Variants in ST6GALNAC5 observed in about 807,000 individuals in gnomAD.
The protein encoded by ST6GALNAC5 is ST6 N-acetylgalactosaminide alpha-2,6-sialyltransferase 5, also known as alpha-N-acetylgalactosaminide alpha-2,6-sialyltransferase 5.
Under a neutral mutation model 33.6 loss-of-function variants are expected in ST6GALNAC5, and 27 were observed. The observed-to-expected ratio is 0.80, with a 90% CI of 0.59 to 1.11. ST6GALNAC5 has a LOEUF of 1.11. Ranked by LOEUF, ST6GALNAC5 falls within the 50% of genes least tolerant of loss-of-function variation. The pLI is 0.00. For synonymous variants in ST6GALNAC5, 194 were observed against 171.2 expected, an observed-to-expected ratio of 1.13 and a Z score of -1.04; for missense variants, 428 against 454.0, an observed-to-expected ratio of 0.94 and a Z score of 0.52.
chr1:77,048,883 A>T (rs1219357607), intron 3 of ST6GALNAC5, among the ~76,000 whole-genome samples: 6 of 152,192 alleles, frequency 3.9e-5, no homozygotes, highest in African/African-American at 1.4e-4. Flanking sequence ...AGGGCCAAAG[A>T]TCAACAATAA....
intron 2 of ST6GALNAC5, among the ~76,000 whole-genome samples, chr1:76,878,770 T>C (rs2100919414): frequency 6.6e-6 from 1 of 152,296 alleles, no homozygotes; most frequent in East Asian, 1.9e-4. Context: ...ACTTCGAAGT[T>C]TTCTGCTTGT....
At chr1:77,031,626 A>C (rs1347929532) in intron 2 of ST6GALNAC5, among the ~76,000 whole-genome samples, 1 of 152,190 alleles carries the variant, frequency 6.6e-6, no homozygotes, top group Non-Finnish European at 1.5e-5. Flanking sequence ...CTCCAAATTA[A>C]ATATTTGATT....
chr1:77,016,385 T>C (rs556426573), intron 2 of ST6GALNAC5, among the ~76,000 whole-genome samples: 17 of 151,764 alleles, frequency 1.1e-4, no homozygotes, highest in Non-Finnish European at 1.6e-4. Context: ...TTATTTTTTA[T>C]TGATACATAA....
intron 2 of ST6GALNAC5, among the ~76,000 whole-genome samples, chr1:77,018,320 A>C (rs1300502914): frequency 1.3e-5 from 2 of 152,236 alleles, no homozygotes; most frequent in African/African-American, 2.4e-5. Context: ...AACAACAGTT[A>C]GAAACTCAGA....
chr1:76,876,105 G>A (rs1208259310), intron 2 of ST6GALNAC5, among the ~76,000 whole-genome samples: 7 of 152,224 alleles, frequency 4.6e-5, no homozygotes, highest in Non-Finnish European at 1.0e-4. Context: ...AGGCAAACAC[G>A]TATCTGGAGT....
At chr1:76,891,227 A>G (rs1036462965) in intron 2 of ST6GALNAC5, among the ~76,000 whole-genome samples, 7 of 152,176 alleles carry the variant, frequency 4.6e-5, no homozygotes, top group Non-Finnish European at 1.0e-4. Context: ...TAGGACACAG[A>G]GACCACGTGA....
chr1:76,898,966 G>A (rs1322863159), intron 2 of ST6GALNAC5, among the ~76,000 whole-genome samples: 1 of 152,118 alleles, frequency 6.6e-6, no homozygotes, highest in African/African-American at 2.4e-5. Context: ...GATTTGGGAT[G>A]AGTTGCATTG....
intron 2 of ST6GALNAC5, among the ~76,000 whole-genome samples, chr1:76,924,111 A>G (rs1372855084): frequency 5.3e-5 from 8 of 152,064 alleles, no homozygotes; most frequent in African/African-American, 1.9e-4. Context: ...GCATCTATGT[A>G]AGTTGAGGGG....
At chr1:76,886,068 G>C (rs563573786) in intron 2 of ST6GALNAC5, among the ~76,000 whole-genome samples, 1 of 152,098 alleles carries the variant, frequency 6.6e-6, no homozygotes, top group African/African-American at 2.4e-5. Flanking sequence ...TCTGCTCCGT[G>C]ATGCAATTTC....
chr1:77,002,469 G>A (rs1235598385), intron 2 of ST6GALNAC5, among the ~76,000 whole-genome samples: 1 of 151,930 alleles, frequency 6.6e-6, no homozygotes, highest in Non-Finnish European at 1.5e-5. Context: ...TTTTTGAACG[G>A]TTTTTTGTGT....
intron 2 of ST6GALNAC5, among the ~76,000 whole-genome samples, chr1:77,017,145 A>G (rs1430674532): frequency 8.1e-6 from 1 of 123,016 alleles, no homozygotes; most frequent in Admixed American, 8.6e-5. Flanking sequence ...GTAATCAGGA[A>G]AAGGCAAAAA....
chr1:77,002,427 C>A (rs1260290505), intron 2 of ST6GALNAC5, among the ~76,000 whole-genome samples: 2 of 151,940 alleles, frequency 1.3e-5, no homozygotes, highest in Non-Finnish European at 2.9e-5. Context: ...TTTGTTGCTC[C>A]TTTCAAAAAA....
intron 2 of ST6GALNAC5, among the ~76,000 whole-genome samples, chr1:76,969,794 T>A (rs559002770): frequency 2.0e-5 from 3 of 152,174 alleles, no homozygotes; most frequent in Admixed American, 2.0e-4. Flanking sequence ...TGACACCTCA[T>A]ACAGGCAGGT....
chr1:77,001,337 G>A (rs1650155580), intron 2 of ST6GALNAC5, among the ~76,000 whole-genome samples: 1 of 120,708 alleles, frequency 8.3e-6, no homozygotes, highest in South Asian at 3.5e-4. Context: ...TTTGTACATT[G>A]ATTTTGTATC....
chr1:77,048,942 G>A (rs374627868), intron 3 of ST6GALNAC5, among the ~76,000 whole-genome samples: 12 of 126,594 alleles, frequency 9.5e-5, no homozygotes, highest in African/African-American at 4.1e-4. Context: ...GTAAGATTCA[G>A]CCCACTTATT....
chr1:77,066,379 TC>T lies in ST6GALNAC5; in HGVS notation c.*3175del, dbSNP rs1481409408. 1.2e-4 allele frequency among the ~76,000 whole-genome samples: 18 copies of T among 152,310 alleles called. No individual in the cohort carries two copies. The highest frequency in any genetic ancestry group is 4.1e-4 in the African/African-American group (17 of 41,570). On this transcript the variant is annotated 3_prime_UTR_variant, in exon 5 of 5. Coordinates refer to ENST00000477717, the MANE Select transcript of ST6GALNAC5 (RefSeq NM_030965.3). ...GTATCCTTTGTTTTCTGAAGTTCTC[TC>T]CATTACTGATCTATTTGAATGACAT...
Position 77,064,011 on chromosome 1 carries a change from T to C in ST6GALNAC5, c.*805T>C, listed in dbSNP as rs191589657. 4.0e-4 allele frequency: 61 copies of C among 152,620 alleles called. No homozygotes were observed. The highest frequency in any genetic ancestry group is 3.3e-3 in the Admixed American group (50 of 15,286). The allele number at this position is 152,620 out of a possible 1,614,324, so 9.5% of individuals were successfully genotyped here. A position where few individuals can be genotyped will look rare whatever the true frequency, so the allele number is the denominator to read the frequency against. On this transcript the variant is annotated 3_prime_UTR_variant, in exon 5 of 5. Transcript: ENST00000477717. ...GCAGAAATGTTCCAAAAGGACAAAA[T>C]TGAAAACCAAAAACTATGTTATTAA...
intron 2 of ST6GALNAC5, among the ~76,000 whole-genome samples, chr1:76,953,287 T>C (rs1489513858): frequency 6.6e-6 from 1 of 152,156 alleles, no homozygotes; most frequent in Non-Finnish European, 1.5e-5. Context: ...TATTTTCCTT[T>C]CCCACCATCA....
chr1:77,056,419 C>T (rs1367154054), intron 4 of ST6GALNAC5, among the ~76,000 whole-genome samples: 1 of 152,172 alleles, frequency 6.6e-6, no homozygotes, highest in Non-Finnish European at 1.5e-5. Context: ...ACCAAGTTTA[C>T]AACTCTCTGT....
Sources: gnomAD v4.1 joint callset for allele counts (sites outside exome capture counted in the v4.1 genomes callset) on GRCh38, gnomAD v4.1.1 for gene constraint, MANE v1.5 for transcripts, NCBI Gene and HGNC (gene_info 2026-07-23, HGNC 2026-07-21) for gene names.